IL15: variants seen among roughly 807,000 people sequenced by gnomAD.
The protein encoded by IL15 is interleukin 15.
In IL15, 11 loss-of-function variants were observed where a neutral mutation model predicts 19.6. That is an observed-to-expected ratio of 0.56 (90% CI 0.35 to 0.93). The LOEUF (loss-of-function observed/expected upper bound fraction) is 0.93, where lower values mean the gene tolerates loss of function less well. Among genes scored for constraint, IL15 ranks in the 40% least tolerant of loss-of-function variants. The pLI is 0.01. For missense variants in IL15, 197 were observed against 186.5 expected (o/e 1.06, Z -0.33); for synonymous variants, 58 against 59.6 (o/e 0.97, Z 0.12).
At chr4:141,699,773 T>C (rs1051338155) in intron 2 of IL15, among the ~76,000 whole-genome samples, 1 of 152,220 alleles carries the variant, frequency 6.6e-6, no homozygotes, top group Non-Finnish European at 1.5e-5. Context: ...GGCTGTTTTA[T>C]CCATTCTGCT....
chr4:141,642,095 T>C (rs1025052145), intron 1 of IL15, among the ~76,000 whole-genome samples: 4 of 152,098 alleles, frequency 2.6e-5, no homozygotes, highest in Non-Finnish European at 4.4e-5. Context: ...CAACTAGATA[T>C]GTCAATGCTT....
intron 2 of IL15, among the ~76,000 whole-genome samples, chr4:141,680,042 T>C (rs1353204484): frequency 6.6e-6 from 1 of 152,224 alleles, no homozygotes; most frequent in Admixed American, 6.5e-5. Flanking sequence ...ACAAAAAGTT[T>C]CCACTATACA....
chr4:141,713,790 A>C (rs1040980141), intron 2 of IL15, among the ~76,000 whole-genome samples: 2 of 152,302 alleles, frequency 1.3e-5, no homozygotes, highest in Middle Eastern at 3.4e-3. Flanking sequence ...AAAGAAATGA[A>C]GTAAAATTTC....
At chr4:141,687,930 C>T (rs1047483027) in intron 2 of IL15, among the ~76,000 whole-genome samples, 1 of 152,172 alleles carries the variant, frequency 6.6e-6, no homozygotes, top group East Asian at 1.9e-4. Flanking sequence ...GGATACCGTT[C>T]TGTGTCCCTA....
chr4:141,647,172 C>G (rs531676083), intron 1 of IL15, among the ~76,000 whole-genome samples: 6 of 151,928 alleles, frequency 3.9e-5, no homozygotes, highest in Non-Finnish European at 8.8e-5. Flanking sequence ...AAATACTTGA[C>G]TGGTCTTGAT....
chr4:141,683,293 G>A (rs1158574462), intron 2 of IL15, among the ~76,000 whole-genome samples: 1 of 150,920 alleles, frequency 6.6e-6, no homozygotes, highest in Non-Finnish European at 1.5e-5. Context: ...ACAATAGGCT[G>A]GGCGCGGTGG....
chr4:141,661,943 T>C (rs976634326), intron 2 of IL15, among the ~76,000 whole-genome samples: 16 of 152,222 alleles, frequency 1.1e-4, no homozygotes, highest in African/African-American at 3.6e-4. Flanking sequence ...CTGATTTCTA[T>C]TGGGATTTCT....
At position 141,732,785 on chromosome 4, in the gene IL15, A is replaced by T; in HGVS notation, c.426A>T (p.Lys142Asn). Residue 142 changes from lysine to asparagine, a missense_variant, in exon 8 of 8, where the codon AAA (lysine) becomes AAT (asparagine). Physicochemically the swap from Lys to Asn is moderately conservative, Grantham distance 94. Transcript: ENST00000320650. ...AAGAATGTGAGGAACTGGAGGAAAAAAATATTAAAGAATTTTTGCAGAGTT... is the reference window on the plus strand; with the variant it reads ...AAGAATGTGAGGAACTGGAGGAAAATAATATTAAAGAATTTTTGCAGAGTT... The part of the protein sequence containing the change: ...GCKECEELEE[K>N]NIKEFLQSFV... 6.2e-7 allele frequency: 1 copy of T among 1,613,102 alleles called. No homozygotes were observed.
At chr4:141,716,462 G>C (rs954585558) in intron 2 of IL15, 1 of 152,174 alleles carries the variant, frequency 6.6e-6, no homozygotes, top group African/African-American at 2.4e-5. Context: ...GGTAAGCCTT[G>C]GTGAAATTCA....
At chr4:141,663,123 ATCAT>A in intron 2 of IL15, among the ~76,000 whole-genome samples, 1 of 152,214 alleles carries the variant, frequency 6.6e-6, no homozygotes, top group East Asian at 1.9e-4. Flanking sequence ...AAAATAATTT[ATCAT>A]ATTAATTGGT....
chr4:141,668,655 C>CT (rs1728072313), intron 2 of IL15, among the ~76,000 whole-genome samples: 1 of 152,176 alleles, frequency 6.6e-6, no homozygotes. Flanking sequence ...CTTCCTCTTC[C>CT]TTTTTTCTCT....
At chr4:141,710,950 C>T (rs553431001) in intron 2 of IL15, among the ~76,000 whole-genome samples, 2 of 152,148 alleles carry the variant, frequency 1.3e-5, no homozygotes, top group South Asian at 4.1e-4. Context: ...CATGATTTTC[C>T]TTGCACATTG....
At chr4:141,724,737 A>G (rs887079486) in intron 5 of IL15, among the ~76,000 whole-genome samples, 3 of 152,118 alleles carry the variant, frequency 2.0e-5, no homozygotes, top group Admixed American at 6.6e-5. Context: ...ACAAACTACC[A>G]AAACATAATG....
chr4:141,644,155 T>C (rs1727144321), intron 1 of IL15, among the ~76,000 whole-genome samples: 2 of 151,904 alleles, frequency 1.3e-5, no homozygotes, highest in Admixed American at 6.6e-5. Context: ...GTTGCTATCA[T>C]GTCTCACAGT....
intron 4 of IL15, chr4:141,721,074 C>T: frequency 7.5e-7 from 1 of 1,328,434 alleles, no homozygotes; most frequent in Non-Finnish European, 1.0e-6. Flanking sequence ...GCTAATATAC[C>T]CAGTTGGCCC....
At position 141,732,967 on chromosome 4, in the gene IL15, G is replaced by T; in HGVS notation, c.*119G>T. ...TCAAAACAAGTTTTTCTGTCAAGAA[G>T]ATGATCAGACCTTGGATCAGATGAA... On this transcript the variant is annotated 3_prime_UTR_variant, in exon 8 of 8. Transcript: ENST00000320650. 7.0e-7 allele frequency: 1 copy of T among 1,435,554 alleles called. No individual in the cohort carries two copies. The highest frequency in any genetic ancestry group is 9.2e-7 in the Non-Finnish European group (1 of 1,090,760). 88.9% of individuals were successfully genotyped at this position (1,435,554 alleles called of 1,614,324 possible). A position where few individuals can be genotyped will look rare whatever the true frequency, so the allele number is the denominator to read the frequency against.
intron 2 of IL15, among the ~76,000 whole-genome samples, chr4:141,700,229 C>A (rs1579032523): frequency 6.6e-6 from 1 of 152,076 alleles, no homozygotes; most frequent in Non-Finnish European, 1.5e-5. Flanking sequence ...GAGATTTATT[C>A]TTTAAGGAGG....
At chr4:141,663,834 C>T (rs1727874940) in intron 2 of IL15, among the ~76,000 whole-genome samples, 1 of 152,130 alleles carries the variant, frequency 6.6e-6, no homozygotes, top group African/African-American at 2.4e-5. Flanking sequence ...CGCAGCTCTC[C>T]TTGGGGAAGA....
chr4:141,669,342 G>A (rs1728095209), intron 2 of IL15, among the ~76,000 whole-genome samples: 1 of 152,184 alleles, frequency 6.6e-6, no homozygotes, highest in Non-Finnish European at 1.5e-5. Context: ...GAGTGGTTGT[G>A]TGGTGAAAGT....
Sources: allele counts gnomAD v4.1 joint callset (sites outside exome capture counted in the v4.1 genomes callset), GRCh38; gene constraint gnomAD v4.1.1; transcripts MANE v1.5; gene names NCBI Gene and HGNC (gene_info 2026-07-23, HGNC 2026-07-21).